PRPF8: variants seen among roughly 807,000 people sequenced by gnomAD.
The protein encoded by PRPF8 is pre-mRNA-processing-splicing factor 8.
Under a neutral mutation model 285.9 loss-of-function variants are expected in PRPF8, and 64 were observed. That is an observed-to-expected ratio of 0.22 (90% CI 0.18 to 0.28). The LOEUF (loss-of-function observed/expected upper bound fraction) is 0.28, where lower values mean the gene tolerates loss of function less well. Ranked by LOEUF, PRPF8 falls within the 10% of genes least tolerant of loss-of-function variation. The pLI is 1.00. For missense variants in PRPF8, 1,426 were observed against 3,026.7 expected (o/e 0.47, Z 12.41); for synonymous variants, 1,325 against 1,118.2 (o/e 1.18, Z -3.69).
chr17:1,655,889 T>G (rs1247204692), intron 36 of PRPF8, among the ~76,000 whole-genome samples: 1 of 149,678 alleles, frequency 6.7e-6, no homozygotes, highest in Non-Finnish European at 1.5e-5. Flanking sequence ...CCTCCCAAAG[T>G]GCTGGGATTA....
At chr17:1,670,979 T>A (rs1912282170) in intron 24 of PRPF8, among the ~76,000 whole-genome samples, 2 of 152,022 alleles carry the variant, frequency 1.3e-5, no homozygotes. Context: ...AGTCACTCTG[T>A]GCTTAAGACC....
At chr17:1,669,884 C>A (rs1201953029) in intron 24 of PRPF8, among the ~76,000 whole-genome samples, 1 of 152,178 alleles carries the variant, frequency 6.6e-6, no homozygotes, top group African/African-American at 2.4e-5. Context: ...CCACATTGTC[C>A]CTGGGTGATG....
chr17:1,672,898 C>T (rs943524912), intron 24 of PRPF8, 183 bp downstream of exon 24: 166 of 655,312 alleles, frequency 2.5e-4, no homozygotes, highest in Non-Finnish European at 4.1e-4. Flanking sequence ...CTACAAGGAA[C>T]GCTCAGAAAA....
chr17:1,674,079 G>A (rs1331214381), intron 21 of PRPF8, among the ~76,000 whole-genome samples, 187 bp from the exon 22 acceptor site: 1 of 152,014 alleles, frequency 6.6e-6, no homozygotes, highest in East Asian at 1.9e-4. Flanking sequence ...CTGGAGCGCA[G>A]CGGCGCAATC....
chr17:1,678,805 T>G lies in PRPF8; in HGVS notation c.1676A>C (p.Asp559Ala). The G allele has an allele frequency of 6.2e-7, 1 of 1,614,110 alleles. No individual in the cohort carries two copies. Among genetic ancestry groups the G allele is most frequent in the Non-Finnish European group, 8.5e-7 (1 of 1,180,028 alleles). Residue 559 changes from aspartate (D) to alanine (A), a missense_variant, in exon 12 of 43, where the codon GAT (aspartate) becomes GCT (alanine). By Grantham distance (126) the Asp-to-Ala change is moderately radical. This residue lies in a region of PRPF8 where 69 missense variants were observed against 134.7 expected (regional missense o/e 0.51). Coordinates refer to ENST00000304992, the MANE Select transcript of PRPF8 (RefSeq NM_006445.4). ...GCCCAGCCGATACTGCACGTGACTA[T>G]CCACCACCAGCTTAGTCAAACGCAG... is the stretch of plus-strand genomic sequence containing the variant. The part of the protein sequence containing the change: ...EVLRLTKLVV[D>A]SHVQYRLGNV...
At chr17:1,684,613 A>C (rs1365968655) in intron 1 of PRPF8, 31 bp from the exon 2 acceptor site, 1 of 1,600,036 alleles carries the variant, frequency 6.2e-7, no homozygotes, top group African/African-American at 1.3e-5. Flanking sequence ...AAAATTCACT[A>C]ACCACAGGCC....
At chr17:1,652,485 C>A (rs951050600) in intron 39 of PRPF8, among the ~76,000 whole-genome samples, 1 of 152,204 alleles carries the variant, frequency 6.6e-6, no homozygotes, top group African/African-American at 2.4e-5. Flanking sequence ...GTGATTCACC[C>A]ACCTTGGCCC....
At chr17:1,684,226 C>CT (rs1225125588) in intron 2 of PRPF8, among the ~76,000 whole-genome samples, 1 of 152,190 alleles carries the variant, frequency 6.6e-6, no homozygotes, top group Non-Finnish European at 1.5e-5. Context: ...TTGTTATTCT[C>CT]TGTCTCTCCC....
At chr17:1,678,248 G>A (rs1001529171) in intron 13 of PRPF8, among the ~76,000 whole-genome samples, 4 of 152,126 alleles carry the variant, frequency 2.6e-5, no homozygotes, top group Non-Finnish European at 5.9e-5. Flanking sequence ...CCGGGAGGCG[G>A]AGGCTGTGGT....
At chr17:1,654,242 A>G (rs1055038042) in intron 37 of PRPF8, 8 of 660,498 alleles carry the variant, frequency 1.2e-5, no homozygotes, top group African/African-American at 8.9e-5. Context: ...CCCACTGTTT[A>G]GCATCCATAA....
At chr17:1,681,381 A>G in intron 6 of PRPF8, 97 bp downstream of exon 6, 7 of 1,350,598 alleles carry the variant, frequency 5.2e-6, no homozygotes, top group Non-Finnish European at 7.4e-6. Context: ...CACCTGGTGT[A>G]AACAGACTAA....
chr17:1,683,224 T>C (rs1226005478), intron 3 of PRPF8: 2 of 401,846 alleles, frequency 5.0e-6, no homozygotes, highest in Non-Finnish European at 9.4e-6. Context: ...CTCGATCTCC[T>C]GACCTCATGA....
At chr17:1,665,240 T>C (rs903006815) in intron 24 of PRPF8, among the ~76,000 whole-genome samples, 6 of 150,498 alleles carry the variant, frequency 4.0e-5, no homozygotes, top group African/African-American at 1.5e-4. Context: ...ATAATACTAT[T>C]AGAAAAAGAG....
rs779420760 is a variant in PRPF8 at position 1,676,713 on chromosome 17, TA to T, written c.2182-3del. On this transcript the variant is annotated splice_region_variant and splice_polypyrimidine_tract_variant and intron_variant, in intron 15 of 42. Transcript: ENST00000304992. This position sits in a 1 kb window ranked among gnomAD's most constrained non-coding sequence, Gnocchi z 6.3. ...TATGGGCGTCGGCAGCCCAGGGACCTAAAAGTCCAAAAAGCACAATCAAGCC... is the reference window on the plus strand; with the variant it reads ...TATGGGCGTCGGCAGCCCAGGGACCTAAAGTCCAAAAAGCACAATCAAGCC... The T allele has an allele frequency of 1.2e-6, 2 of 1,613,730 alleles. No homozygotes were observed. The highest frequency in any genetic ancestry group is 2.2e-5 in the East Asian group (1 of 44,864).
Position 1,682,254 on chromosome 17 carries a change from C to T in PRPF8, c.309G>A (p.Leu103=). 1 of 1,614,134 alleles carries T rather than the reference C, an allele frequency of 6.2e-7. No homozygotes were observed. The highest frequency in any genetic ancestry group is 1.1e-5 in the South Asian group (1 of 91,084). ...GCTCCCAAGGCATAGGCATGTTCTC[C>T]AGGAGTTTGAGGACTGCGTGGGGCA... ...KYMPHAVLKL[L]ENMPMPWEQI... Residue 103 remains leucine, a synonymous_variant, in exon 4 of 43, where the codon CTG becomes CTA. Transcript: ENST00000304992.
rs1225225736 is a variant in PRPF8 at position 1,650,891 on chromosome 17, C to T, written c.6919G>A (p.Glu2307Lys). ...QLANPKEFYH[E>K]VHRPSHFLNF... ...AGGAAGTGAGAGGGCCTGTGCACCT[C>T]GTGGTAGAACTCTTTGGGGTTCGCC... The change falls in exon 43 of 43, where the codon GAG (glutamate) becomes AAG (lysine). Residue 2307 changes from glutamate (E) to lysine (K), a missense_variant. Coordinates refer to ENST00000304992, the MANE Select transcript of PRPF8 (RefSeq NM_006445.4). 2 of 1,614,064 alleles carry T rather than the reference C, an allele frequency of 1.2e-6. No homozygotes were observed. The highest frequency in any genetic ancestry group is 1.3e-5 in the African/African-American group (1 of 74,916).
At position 1,660,591 on chromosome 17, in the gene PRPF8, C is replaced by T. The variant is rs62088058; in HGVS notation, c.4639-13G>A. 55,290 of 1,614,158 alleles carry T rather than the reference C, an allele frequency of 0.034. 1,077 individuals are homozygous for T. The highest frequency in any genetic ancestry group is 0.042 in the Middle Eastern group (255 of 6,062). On this transcript the variant is annotated splice_polypyrimidine_tract_variant and intron_variant, in intron 29 of 42. Transcript: ENST00000304992. ...AGCCTACATATACCTGCCAGGAAAA[C>T]GACAATGTGACATTAGAGATCAAGA...
Position 1,681,921 on chromosome 17 carries a change from A to T in PRPF8, c.552T>A (p.Asp184Glu). Residue 184 changes from aspartate (D) to glutamate (E), a missense_variant, in exon 5 of 43, where the codon GAT (aspartate) becomes GAA (glutamate). Around this residue, in one of 34 missense-constraint regions of PRPF8, gnomAD observed 96 missense variants for 188.3 expected, o/e 0.51. Transcript: ENST00000304992. ...PPLDYADNIL[D>E]VEPLEAIQLE... ...GCTGAATGGCCTCCAGTGGCTCAAC[A>T]TCTAGGATGTTGTCAGCATAGTCCA... is the stretch of plus-strand genomic sequence containing the variant. The T allele has an allele frequency of 6.2e-7, 1 of 1,613,290 alleles. No homozygotes were observed. Among genetic ancestry groups the T allele is most frequent in the Non-Finnish European group, 8.5e-7 (1 of 1,179,848 alleles).
Position 1,659,803 on chromosome 17 carries a change from T to G in PRPF8, c.4946+38A>C. On this transcript the variant is annotated intron_variant, in intron 31 of 42. Transcript: ENST00000304992. The surrounding 1 kb of genome is among the most constrained non-coding windows in gnomAD (Gnocchi z 5.1). ...GGCTAGAAGAACAGGAAAACGAAAG[T>G]GTCCTGGCTGCCTAGGGCTGGGTCC... is the stretch of plus-strand genomic sequence containing the variant. The G allele has an allele frequency of 6.2e-7, 1 of 1,607,932 alleles. No individual in the cohort carries two copies. The highest frequency in any genetic ancestry group is 1.1e-5 in the South Asian group (1 of 90,902).
Sources: allele counts gnomAD v4.1 joint callset (sites outside exome capture counted in the v4.1 genomes callset), GRCh38; gene constraint gnomAD v4.1.1; regional missense constraint gnomAD v4.1.1; non-coding constraint Gnocchi (gnomAD v3.1); transcripts MANE v1.5; gene names NCBI Gene and HGNC (gene_info 2026-07-23, HGNC 2026-07-21).